Variants in KANK1 observed in about 807,000 individuals in gnomAD.
KANK1 encodes KN motif and ankyrin repeat domains 1.
KANK1 carries 109 observed loss-of-function variants against 106.2 expected under a neutral mutation model. That is an observed-to-expected ratio of 1.03 (90% CI 0.88 to 1.20). The LOEUF is 1.20. KANK1 is among the 50% of genes most tolerant of loss of function. KANK1 has a pLI of 0.00. For synonymous variants in KANK1, 873 were observed against 652.2 expected (o/e 1.34, Z -5.16); for missense variants, 2,399 against 1,710.7 (o/e 1.40, Z -7.10).
chr9:546,817 A>G (rs185866464), intron 1 of KANK1, among the ~76,000 whole-genome samples: 4 of 152,256 alleles, frequency 2.6e-5, no homozygotes, highest in South Asian at 2.1e-4. Context: ...AAAGTAGCCC[A>G]TACTTGAGTG....
At chr9:744,224 T>C (rs911437813) in intron 10 of KANK1, among the ~76,000 whole-genome samples, 2 of 118,766 alleles carry the variant, frequency 1.7e-5, no homozygotes, top group Non-Finnish European at 3.9e-5. Flanking sequence ...ATCCCCATCT[T>C]CTGCTTCCCC....
intron 1 of KANK1, among the ~76,000 whole-genome samples, chr9:505,040 C>G (rs1000325316): frequency 1.3e-5 from 2 of 151,708 alleles, no homozygotes; most frequent in Non-Finnish European, 2.9e-5. Flanking sequence ...CTCGGCCGGT[C>G]TGGAGGAGGG....
At chr9:543,901 T>C (rs1292626044) in intron 1 of KANK1, among the ~76,000 whole-genome samples, 1 of 152,230 alleles carries the variant, frequency 6.6e-6, no homozygotes, top group East Asian at 1.9e-4. Flanking sequence ...CCATATCATA[T>C]CTCTTTAATC....
At chr9:543,331 G>C (rs149412411) in intron 1 of KANK1, among the ~76,000 whole-genome samples, 1 of 151,880 alleles carries the variant, frequency 6.6e-6, no homozygotes, top group Non-Finnish European at 1.5e-5. Context: ...CAAGGTGGGC[G>C]GATCACTTGA....
rs765088297 is a variant in KANK1 at position 686,018 on chromosome 9, G to GA, written c.37+9012dup. On this transcript the variant is annotated intron_variant, in intron 2 of 11. Coordinates refer to ENST00000382297, the MANE Select transcript of KANK1 (RefSeq NM_015158.5). Reference sequence around the variant, plus strand: ...AGGTACATTTAAGACTCTCCAGGAAGAAAGGGGGAAGAATATTCCAAACTG... The same window carrying GA: ...AGGTACATTTAAGACTCTCCAGGAAGAAAAGGGGGAAGAATATTCCAAACTG... 8.9e-4 allele frequency among the ~76,000 whole-genome samples: 135 copies of GA among 152,272 alleles called. 2 individuals are homozygous for GA. Among genetic ancestry groups the GA allele is most frequent in the Non-Finnish European group, 1.3e-3 (86 of 68,028 alleles).
At chr9:743,122 G>A (rs1836134089) in intron 10 of KANK1, among the ~76,000 whole-genome samples, 1 of 152,210 alleles carries the variant, frequency 6.6e-6, no homozygotes, top group South Asian at 2.1e-4. Context: ...GTGAGATGGT[G>A]TAAAGGTCAC....
chr9:732,051 GT>G, intron 5 of KANK1: 1 of 197,098 alleles, frequency 5.1e-6, no homozygotes, highest in Non-Finnish European at 1.0e-5. Flanking sequence ...AAGACATGGG[GT>G]GGGGGGGGGA....
Position 656,618 on chromosome 9 carries a change from C to T in KANK1, c.-83-20272C>T, listed in dbSNP as rs545931970. Among the ~76,000 whole-genome samples, 794 of 152,250 alleles carry T rather than the reference C, an allele frequency of 5.2e-3. 5 individuals carry two copies. Among genetic ancestry groups the T allele is most frequent in the African/African-American group, 0.018 (746 of 41,510 alleles). ...AAGGACATCTCCATGGCAGATGCCC[C>T]TACTCCCTCCCGGTGCCTGAATATT... On this transcript the variant is annotated intron_variant, in intron 1 of 11. Transcript: ENST00000382297.
At chr9:687,855 C>T (rs747659499) in intron 2 of KANK1, among the ~76,000 whole-genome samples, 32 of 152,208 alleles carry the variant, frequency 2.1e-4, no homozygotes, top group Admixed American at 7.2e-4. Flanking sequence ...CGGTTGTGTG[C>T]GTCACTAATC....
At chr9:660,160 A>G (rs1017121200) in intron 1 of KANK1, 5 of 321,906 alleles carry the variant, frequency 1.6e-5, no homozygotes, top group African/African-American at 8.8e-5. Context: ...ATAAAAAGAA[A>G]CCAATGAAGG....
At chr9:642,922 C>T (rs1838803676) in intron 1 of KANK1, among the ~76,000 whole-genome samples, 1 of 150,130 alleles carries the variant, frequency 6.7e-6, no homozygotes, top group African/African-American at 2.5e-5. Context: ...GTATGCTTAG[C>T]GTTCTAAATT....
intron 1 of KANK1, among the ~76,000 whole-genome samples, chr9:594,117 A>C (rs781713328): frequency 6.6e-6 from 1 of 151,924 alleles, no homozygotes; most frequent in Non-Finnish European, 1.5e-5. Flanking sequence ...GCAGAAGTGC[A>C]CTTGTTGGGG....
chr9:723,979 T>G (rs980333398), intron 3 of KANK1, among the ~76,000 whole-genome samples: 5 of 150,104 alleles, frequency 3.3e-5, no homozygotes, highest in Non-Finnish European at 7.4e-5. Flanking sequence ...TTTGTACGTC[T>G]GTGGTCCCAG....
intron 1 of KANK1, among the ~76,000 whole-genome samples, chr9:607,762 A>G (rs369806854): frequency 2.6e-5 from 4 of 151,804 alleles, no homozygotes; most frequent in South Asian, 2.1e-4. Context: ...CTAACTTACT[A>G]TGCTGGGAGG....
intron 4 of KANK1, 63 bp downstream of exon 4, chr9:730,311 A>C: frequency 6.8e-7 from 1 of 1,469,858 alleles, no homozygotes; most frequent in African/African-American, 1.4e-5. Context: ...CCAGCATTCC[A>C]ATTTAATGTC....
rs927815648 is a variant in KANK1, at chr9:712,795, T to C, written c.2029T>C (p.Leu677=). The stretch of plus-strand genomic sequence containing the variant: ...TGCAGACCAGGACACTAGCACAGAT[T>C]TGGAACAGGTGCACCAGTTCACCAA... ...RTADQDTSTD[L]EQVHQFTNTE... is the part of the protein sequence containing the mutation. The change falls in exon 3 of 12, where the codon TTG becomes CTG. Residue 677 remains leucine (L), a synonymous_variant. Transcript: ENST00000382297. The C allele has an allele frequency of 6.2e-7, 1 of 1,613,762 alleles. No individual in the cohort carries two copies.
At chr9:664,824 C>A (rs148209457) in intron 1 of KANK1, among the ~76,000 whole-genome samples, 57 of 152,252 alleles carry the variant, frequency 3.7e-4, no homozygotes, top group African/African-American at 1.3e-3. Flanking sequence ...TCTCTGCATC[C>A]TCACCAGCAT....
At chr9:560,693 T>A (rs751542004) in intron 1 of KANK1, among the ~76,000 whole-genome samples, 1 of 152,146 alleles carries the variant, frequency 6.6e-6, no homozygotes, top group East Asian at 1.9e-4. Context: ...AGAAGAGTGG[T>A]CTTTGATCAA....
At chr9:672,067 C>T (rs1815286807) in intron 1 of KANK1, among the ~76,000 whole-genome samples, 1 of 152,212 alleles carries the variant, frequency 6.6e-6, no homozygotes, top group South Asian at 2.1e-4. Flanking sequence ...TACGTATATG[C>T]ATCACTCATT....
Sources: allele counts gnomAD v4.1 joint callset (sites outside exome capture counted in the v4.1 genomes callset), GRCh38; gene constraint gnomAD v4.1.1; transcripts MANE v1.5; gene names NCBI Gene and HGNC (gene_info 2026-07-23, HGNC 2026-07-21).